MEP1B: variants seen among roughly 807,000 people sequenced by gnomAD.
MEP1B encodes the protein N-benzoyl-L-tyrosyl-P-amino-benzoic acid hydrolase subunit beta.
A neutral mutation model predicts 84.6 loss-of-function variants in MEP1B; 80 were observed. That is an observed-to-expected ratio of 0.95 (90% CI 0.79 to 1.14). The LOEUF (loss-of-function observed/expected upper bound fraction) is 1.14. MEP1B is among the 50% of genes most tolerant of loss of function. The pLI, the probability that MEP1B is intolerant of heterozygous loss-of-function variation, is 0.00. For missense variants in MEP1B, 766 were observed against 855.1 expected (o/e 0.90, Z 1.30); for synonymous variants, 273 against 288.1 (o/e 0.95, Z 0.53).
In MEP1B at chr18:32,203,695, TG is replaced by T. The variant is rs771597398; in HGVS notation, c.369-485del. On this transcript the variant is annotated intron_variant, in intron 6 of 14. Transcript: ENST00000269202. ...AATTTATACAGAAAAGAGGTTTAAC[TG>T]GCTTTCAGTTCTGCAGGCTTTATAG... 4.9e-4 allele frequency among the ~76,000 whole-genome samples: 74 copies of T among 152,202 alleles called. 2 individuals carry two copies. Among genetic ancestry groups the T allele is most frequent in the Non-Finnish European group, 1.2e-4 (8 of 68,028 alleles).
chr18:32,194,883 G>C, intron 4 of MEP1B, among the ~76,000 whole-genome samples: 1 of 151,790 alleles, frequency 6.6e-6, no homozygotes, highest in East Asian at 1.9e-4. Context: ...CATGAAGCCA[G>C]AGACCTTTAT....
rs556475292 is a variant in MEP1B, at chr18:32,194,826, A to AC, written c.172-581_172-580insC. On this transcript the variant is annotated intron_variant, in intron 4 of 14. Coordinates refer to ENST00000269202, the MANE Select transcript of MEP1B (RefSeq NM_005925.3). ...CCTATTGCATTCATCCTGCTTAAAC[A>AC]TTTTTTTTTTTACATACTCTTTCTG... 1.5e-3 allele frequency among the ~76,000 whole-genome samples: 219 copies of AC among 145,678 alleles called. 1 individual carries two copies. Among genetic ancestry groups the AC allele is most frequent in the African/African-American group, 5.1e-3 (204 of 39,900 alleles).
chr18:32,210,600 G>T lies in MEP1B; in HGVS notation c.1019G>T (p.Cys340Phe). 1 of 1,613,964 alleles carries T rather than the reference G, an allele frequency of 6.2e-7. No individual in the cohort carries two copies. Among genetic ancestry groups the T allele is most frequent in the Non-Finnish European group, 8.5e-7 (1 of 1,179,872 alleles). Residue 340 changes from cysteine (C) to phenylalanine (F), a missense_variant, in exon 10 of 15, where the codon TGC becomes TTC. By Grantham distance (205) the Cys-to-Phe change is radical. Transcript: ENST00000269202. ...RTLYPKRGFQ[C>F]LQFYLYNSGS... ...CTGTACCCTAAAAGAGGATTTCAGTGCCTGCAATTTTACTTATATAACAGT... is the reference window on the plus strand; with the variant it reads ...CTGTACCCTAAAAGAGGATTTCAGTTCCTGCAATTTTACTTATATAACAGT...
At chr18:32,210,839 C>T in intron 10 of MEP1B, 123 bp downstream of exon 10, 1 of 751,984 alleles carries the variant, frequency 1.3e-6, no homozygotes, top group Non-Finnish European at 2.2e-6. Context: ...CAACTAAGAA[C>T]TAGATTCTTG....
chr18:32,220,232 AG>A lies in MEP1B; in HGVS notation c.2094del (p.Gln698HisfsTer7), dbSNP rs1406635772. 25 of 1,607,894 alleles carry A rather than the reference AG, an allele frequency of 1.6e-5. No homozygotes were observed. Among genetic ancestry groups the A allele is most frequent in the Non-Finnish European group, 2.0e-5 (24 of 1,176,590 alleles). ...SNRPNLTPQN[Q>X]HAF Reference sequence around the variant, plus strand: ...ATCAATTGTTCTTTCCCCTTTTAGCAGCATGCTTTTTGAAGATTAACTCGAC... The same window carrying A: ...ATCAATTGTTCTTTCCCCTTTTAGCACATGCTTTTTGAAGATTAACTCGAC... On this transcript the variant is annotated frameshift_variant and splice_region_variant, in exon 15 of 15. Transcript: ENST00000269202. LOFTEE classifies it high-confidence loss of function.
intron 8 of MEP1B, among the ~76,000 whole-genome samples, chr18:32,207,909 C>T (rs978364447): frequency 2.0e-5 from 3 of 152,072 alleles, no homozygotes; most frequent in African/African-American, 7.2e-5. Flanking sequence ...AGACTTCAGG[C>T]AGGGAGCTTA....
In MEP1B at chr18:32,215,317, AT is replaced by A. The variant is rs1008510513; in HGVS notation, c.1759+58del. On this transcript the variant is annotated intron_variant, in intron 12 of 14. Coordinates refer to ENST00000269202, the MANE Select transcript of MEP1B (RefSeq NM_005925.3). ...TAGTTTTTTTTTGTTGTGGCCACTG[AT>A]TATTTTCTGTTTTTCTTTCTGCATT... The A allele has an allele frequency of 3.2e-5, 37 of 1,151,180 alleles. No homozygotes were observed. In the African/African-American group the frequency reaches 4.1e-4, roughly 13 times the overall value. 71.3% of individuals were successfully genotyped at this position (1,151,180 alleles called of 1,614,324 possible).
At chr18:32,216,385 A>G (rs1348159769) in intron 12 of MEP1B, among the ~76,000 whole-genome samples, 2 of 152,220 alleles carry the variant, frequency 1.3e-5, no homozygotes, top group Non-Finnish European at 2.9e-5. Flanking sequence ...ACCAGAAGCA[A>G]TAACAAATAC....
intron 8 of MEP1B, 63 bp downstream of exon 8, chr18:32,207,533 T>C (rs1598893498): frequency 1.7e-6 from 2 of 1,165,814 alleles, no homozygotes; most frequent in South Asian, 2.6e-5. Context: ...AAAATGATGG[T>C]CTGTGCCATT....
rs375638123 is a variant in MEP1B, at chr18:32,216,958, G to A, written c.1760-33G>A. The A allele has an allele frequency of 7.6e-5, 121 of 1,599,870 alleles. No homozygotes were observed. The African/African-American group carries it at 1.2e-3, about 15-fold the overall frequency. On this transcript the variant is annotated intron_variant, in intron 12 of 14. Transcript: ENST00000269202. ...ATCAAATGATTGTTAAACAAAAGCTGATTTCCATCCACACTCTTCCCCATC... is the reference window on the plus strand; with the variant it reads ...ATCAAATGATTGTTAAACAAAAGCTAATTTCCATCCACACTCTTCCCCATC...
In MEP1B at chr18:32,215,590, C is replaced by T. The variant is rs566863823; in HGVS notation, c.1759+329C>T. On this transcript the variant is annotated intron_variant, in intron 12 of 14. Coordinates refer to ENST00000269202, the MANE Select transcript of MEP1B (RefSeq NM_005925.3). ...CTGTAATCCCAGCGCTTTGGGAGAC[C>T]GAGGCGAGTGGATCACGAGGTCAGG... is the stretch of plus-strand genomic sequence containing the variant. Among the ~76,000 whole-genome samples the T allele has an allele frequency of 1.2e-4, 19 of 152,158 alleles. 1 individual carries two copies. Among genetic ancestry groups the T allele is most frequent in the Admixed American group, 5.2e-4 (8 of 15,282 alleles).
In MEP1B at chr18:32,220,307, G is replaced by C; in HGVS notation, c.*62G>C. 2 of 1,507,200 alleles carry C rather than the reference G, an allele frequency of 1.3e-6. No individual in the cohort carries two copies. Among genetic ancestry groups the C allele is most frequent in the East Asian group, 4.6e-5 (2 of 43,704 alleles). 93.4% of individuals were successfully genotyped at this position (1,507,200 alleles called of 1,614,324 possible). A position where few individuals can be genotyped will look rare whatever the true frequency, so the allele number is the denominator to read the frequency against. On this transcript the variant is annotated 3_prime_UTR_variant, in exon 15 of 15. Coordinates refer to ENST00000269202, the MANE Select transcript of MEP1B (RefSeq NM_005925.3). ...AAAAGGATTCTTCATCATGGATTTC[G>C]CCTAAGTGATATTACAGCCACCTCA...
At chr18:32,215,969 C>CATATATATATAT (rs10522884) in intron 12 of MEP1B, among the ~76,000 whole-genome samples, 15 of 134,950 alleles carry the variant, frequency 1.1e-4, no homozygotes, top group Non-Finnish European at 1.9e-4. Flanking sequence ...TACATATATG[C>CATATATATATAT]ATATATATAT....
In MEP1B at chr18:32,212,339, G is replaced by A. The variant is rs141044812; in HGVS notation, c.1136-777G>A. Among the ~76,000 whole-genome samples, 504 of 152,068 alleles carry A rather than the reference G, an allele frequency of 3.3e-3. 2 individuals are homozygous for A. Among genetic ancestry groups the A allele is most frequent in the Non-Finnish European group, 5.5e-3 (374 of 67,970 alleles). On this transcript the variant is annotated intron_variant, in intron 10 of 14. Transcript: ENST00000269202. Reference sequence around the variant, plus strand: ...TCACATTAAGTGCCAACATATTTTTGTTTTAAGACTTTGTGTTAACCACTA... The same window carrying A: ...TCACATTAAGTGCCAACATATTTTTATTTTAAGACTTTGTGTTAACCACTA...
intron 4 of MEP1B, 126 bp from the exon 5 acceptor site, chr18:32,195,281 C>G: frequency 1.6e-6 from 1 of 641,252 alleles, no homozygotes; most frequent in Non-Finnish European, 2.8e-6. Flanking sequence ...CACACACACA[C>G]ACACACACAA....
In MEP1B at chr18:32,195,460, T is replaced by G; in HGVS notation, c.225T>G (p.Ile75Met). 1.2e-6 allele frequency: 2 copies of G among 1,610,516 alleles called. No individual in the cohort carries two copies. Among genetic ancestry groups the G allele is most frequent in the Non-Finnish European group, 1.7e-6 (2 of 1,177,216 alleles). ...IGEKYRWPHT[I>M]PYVLEDSLEM... ...AAAAGTATAGATGGCCTCATACCAT[T>G]CCATATGTTCTAGAAGATAGCTTGG... Residue 75 changes from isoleucine (I) to methionine (M), a missense_variant, in exon 5 of 15, where the codon ATT becomes ATG. Coordinates refer to ENST00000269202, the MANE Select transcript of MEP1B (RefSeq NM_005925.3).
intron 9 of MEP1B, 127 bp downstream of exon 9, chr18:32,208,398 C>A: frequency 1.0e-6 from 1 of 991,376 alleles, no homozygotes; most frequent in Non-Finnish European, 1.4e-6. Flanking sequence ...TAGGTTACTA[C>A]TGAGAAGTAG....
At chr18:32,204,396 G>A in intron 7 of MEP1B, 36 bp downstream of exon 7, 1 of 1,525,886 alleles carries the variant, frequency 6.6e-7, no homozygotes, top group Non-Finnish European at 8.9e-7. Flanking sequence ...TTTTAGTTAA[G>A]GACTGAATTT....
chr18:32,201,314 AC>A (rs1568266705), intron 5 of MEP1B, among the ~76,000 whole-genome samples: 1 of 151,846 alleles, frequency 6.6e-6, no homozygotes, highest in Non-Finnish European at 1.5e-5. Context: ...ACACACACAC[AC>A]ACACACACAC....
Sources: allele counts gnomAD v4.1 joint callset (sites outside exome capture counted in the v4.1 genomes callset), GRCh38; gene constraint gnomAD v4.1.1; transcripts MANE v1.5; gene names NCBI Gene and HGNC (gene_info 2026-07-23, HGNC 2026-07-21).